The following PLXNA2 variants were observed in gnomAD, a reference collection of about 807,000 sequenced individuals.
The protein encoded by PLXNA2 is plexin-A2.
PLXNA2 carries 91 observed loss-of-function variants against 193.5 expected under a neutral mutation model. The ratio of observed to expected loss-of-function variants is 0.47; its 90% CI spans 0.40 to 0.56. The LOEUF (loss-of-function observed/expected upper bound fraction) is 0.56. Ranked by LOEUF, PLXNA2 falls within the 20% of genes least tolerant of loss-of-function variation. The probability of loss-of-function intolerance (pLI) is 0.00; values close to 1 mark genes in which losing one functional copy is unlikely to be tolerated. For missense variants in PLXNA2, 1,995 were observed against 2,503.2 expected, an observed-to-expected ratio of 0.80 and a Z score of 4.33; for synonymous variants, 997 against 1,027.3, an observed-to-expected ratio of 0.97 and a Z score of 0.56.
intron 1 of PLXNA2, among the ~76,000 whole-genome samples, chr1:208,223,497 C>T (rs985104805): frequency 2.6e-5 from 4 of 152,128 alleles, no homozygotes; most frequent in Non-Finnish European, 2.9e-5. Context: ...GCCTGGACAA[C>T]GAGGTGGTGC....
chr1:208,211,555 T>C (rs1363615900), intron 2 of PLXNA2, among the ~76,000 whole-genome samples: 1 of 151,940 alleles, frequency 6.6e-6, no homozygotes, highest in Non-Finnish European at 1.5e-5. Flanking sequence ...TAGCCAGGCG[T>C]GGTGGTGTGT....
intron 29 of PLXNA2, chr1:208,031,201 C>A: frequency 9.6e-7 from 1 of 1,044,598 alleles, no homozygotes; most frequent in African/African-American, 1.7e-5. Flanking sequence ...CTCAGAATGC[C>A]CCACGATGTC....
At chr1:208,060,948 C>T (rs769464442) in intron 12 of PLXNA2, 111 bp from the exon 13 acceptor site, 11 of 878,606 alleles carry the variant, frequency 1.3e-5, no homozygotes, top group Non-Finnish European at 1.9e-5. Context: ...TTCTTAAATT[C>T]CTCCACCAGG....
chr1:208,146,391 T>A (rs1052072499), intron 3 of PLXNA2, among the ~76,000 whole-genome samples: 2 of 152,196 alleles, frequency 1.3e-5, no homozygotes, highest in Non-Finnish European at 2.9e-5. Flanking sequence ...GCTAATCTTG[T>A]CTAAACTCTT....
chr1:208,085,065 T>A (rs573975381), intron 9 of PLXNA2, among the ~76,000 whole-genome samples: 152 of 149,708 alleles, frequency 1.0e-3, no homozygotes, highest in Non-Finnish European at 1.7e-3. Flanking sequence ...CTCCCAGCAA[T>A]ACTCTAAACA....
intron 9 of PLXNA2, among the ~76,000 whole-genome samples, chr1:208,089,479 A>C (rs1666641455): frequency 6.6e-6 from 1 of 152,210 alleles, no homozygotes; most frequent in African/African-American, 2.4e-5. Context: ...TATAAATTAT[A>C]TGAAATTGCA....
At chr1:208,153,939 G>A (rs887818589) in intron 3 of PLXNA2, among the ~76,000 whole-genome samples, 6 of 141,770 alleles carry the variant, frequency 4.2e-5, no homozygotes, top group Non-Finnish European at 6.1e-5. Context: ...CAGGAGAGGG[G>A]CTTTAATAAT....
At chr1:208,156,784 G>C (rs1184322569) in intron 3 of PLXNA2, among the ~76,000 whole-genome samples, 1 of 152,160 alleles carries the variant, frequency 6.6e-6, no homozygotes, top group Non-Finnish European at 1.5e-5. Flanking sequence ...TTTTAGCAGA[G>C]TGCCAAGCAT....
In PLXNA2 at chr1:208,216,968, C is replaced by G; in HGVS notation, c.955G>C (p.Gly319Arg). 1 of 1,613,376 alleles carries G rather than the reference C, an allele frequency of 6.2e-7. No homozygotes were observed. Among genetic ancestry groups the G allele is most frequent in the Non-Finnish European group, 8.5e-7 (1 of 1,179,502 alleles). Reference protein sequence around the residue: ...LLQAAYLAKPGDSLAQAFNIT... With the variant: ...LLQAAYLAKPRDSLAQAFNIT... ...TTGAAGGCCTGGGCCAGTGAGTCCC[C>G]AGGCTTGGCCAGGTAAGCAGCCTGC... The change falls in exon 2 of 32, where the codon GGG (glycine) becomes CGG (arginine). Residue 319 changes from glycine (G) to arginine (R), a missense_variant. Transcript: ENST00000367033.
intron 12 of PLXNA2, among the ~76,000 whole-genome samples, chr1:208,070,769 A>G (rs74152190): frequency 6.6e-6 from 1 of 152,240 alleles, no homozygotes; most frequent in Non-Finnish European, 1.5e-5. Flanking sequence ...CTTCTATTTC[A>G]TAACAGTTGC....
chr1:208,185,786 C>T (rs1669980708), intron 3 of PLXNA2, among the ~76,000 whole-genome samples: 1 of 150,164 alleles, frequency 6.7e-6, no homozygotes. Flanking sequence ...TTGTGTTCCT[C>T]CAGCTGGCTG....
At chr1:208,126,959 C>T (rs1346501055) in intron 4 of PLXNA2, among the ~76,000 whole-genome samples, 1 of 152,114 alleles carries the variant, frequency 6.6e-6, no homozygotes, top group African/African-American at 2.4e-5. Context: ...TAAAACTTAC[C>T]TAATGAAGTT....
chr1:208,138,333 A>G (rs1312417141), intron 4 of PLXNA2, among the ~76,000 whole-genome samples: 2 of 152,252 alleles, frequency 1.3e-5, no homozygotes, highest in African/African-American at 4.8e-5. Flanking sequence ...GCCCAACTGT[A>G]GGTGAAGATA....
At chr1:208,119,409 A>G (rs1249063473) in intron 4 of PLXNA2, among the ~76,000 whole-genome samples, 2 of 152,096 alleles carry the variant, frequency 1.3e-5, no homozygotes, top group Admixed American at 1.3e-4. Flanking sequence ...AAGCAAACAC[A>G]CCTTCAGGGA....
chr1:208,088,215 AAC>A (rs1282352360), intron 9 of PLXNA2, among the ~76,000 whole-genome samples: 1 of 152,160 alleles, frequency 6.6e-6, no homozygotes, highest in African/African-American at 2.4e-5. Flanking sequence ...GGGAAGAGGA[AAC>A]ACAGCTGCAG....
At position 208,169,624 on chromosome 1, in the gene PLXNA2, G is replaced by A. The variant is rs182457364; in HGVS notation, c.1372-27161C>T. 5.7e-4 allele frequency among the ~76,000 whole-genome samples: 87 copies of A among 152,046 alleles called. 2 individuals are homozygous for A. Among genetic ancestry groups the A allele is most frequent in the Non-Finnish European group, 7.4e-5 (5 of 68,018 alleles). Reference sequence around the variant, plus strand: ...GACTTGGATGGGAAAGTCACACTGGGGTCCACAGGGAGAGATTCTGGAGTG... The same window carrying A: ...GACTTGGATGGGAAAGTCACACTGGAGTCCACAGGGAGAGATTCTGGAGTG... On this transcript the variant is annotated intron_variant, in intron 3 of 31. Transcript: ENST00000367033.
chr1:208,216,102 T>A (rs769276649), intron 2 of PLXNA2, among the ~76,000 whole-genome samples: 2 of 152,194 alleles, frequency 1.3e-5, no homozygotes, highest in Non-Finnish European at 2.9e-5. Context: ...ATGGACCCCA[T>A]CACCTGCTGC....
chr1:208,047,511 A>G (rs1306350336), intron 17 of PLXNA2, among the ~76,000 whole-genome samples: 2 of 152,220 alleles, frequency 1.3e-5, no homozygotes, highest in Non-Finnish European at 2.9e-5. Flanking sequence ...AAACCACTAA[A>G]GGGCCCACGT....
intron 3 of PLXNA2, among the ~76,000 whole-genome samples, chr1:208,143,106 C>T (rs926564821): frequency 6.6e-6 from 1 of 152,214 alleles, no homozygotes; most frequent in Non-Finnish European, 1.5e-5. Context: ...TAGTCCAGTG[C>T]TTCTCAGCCC....
Sources: gnomAD v4.1 joint callset for allele counts (sites outside exome capture counted in the v4.1 genomes callset) on GRCh38, gnomAD v4.1.1 for gene constraint, MANE v1.5 for transcripts, NCBI Gene and HGNC (gene_info 2026-07-23, HGNC 2026-07-21) for gene names.